PPP6R2: variants seen among roughly 807,000 people sequenced by gnomAD.
The protein encoded by PPP6R2 is serine/threonine-protein phosphatase 6 regulatory subunit 2.
In PPP6R2, 62 loss-of-function variants were observed where a neutral mutation model predicts 100.2. The ratio of observed to expected loss-of-function variants is 0.62; its 90% CI spans 0.50 to 0.76. PPP6R2 has a LOEUF of 0.76. PPP6R2 is among the 30% of genes least tolerant of loss of function. The pLI is 0.00. For missense variants in PPP6R2, 1,142 were observed against 1,276.3 expected, an observed-to-expected ratio of 0.89 and a Z score of 1.60; for synonymous variants, 525 against 514.7, an observed-to-expected ratio of 1.02 and a Z score of -0.27.
intron 4 of PPP6R2, among the ~76,000 whole-genome samples, chr22:50,408,567 C>T (rs1384893901): frequency 1.3e-5 from 2 of 151,988 alleles, no homozygotes; most frequent in Non-Finnish European, 2.9e-5. Flanking sequence ...GTGGAGGCAG[C>T]GGGGAGCTGT....
intron 10 of PPP6R2, among the ~76,000 whole-genome samples, chr22:50,425,415 G>C (rs1048684509): frequency 1.3e-5 from 2 of 152,218 alleles, no homozygotes; most frequent in African/African-American, 4.8e-5. Flanking sequence ...GACTTGGGTT[G>C]CTTCCAGCCT....
intron 1 of PPP6R2, among the ~76,000 whole-genome samples, chr22:50,369,025 G>A (rs2049379604): frequency 6.6e-6 from 1 of 152,154 alleles, no homozygotes; most frequent in South Asian, 2.1e-4. Flanking sequence ...GATCAGCTGA[G>A]GTTGGGAGTT....
intron 2 of PPP6R2, among the ~76,000 whole-genome samples, chr22:50,383,802 T>C (rs2053610202): frequency 6.6e-6 from 1 of 152,036 alleles, no homozygotes; most frequent in Non-Finnish European, 1.5e-5. Context: ...TTTGGGAGGC[T>C]GAGGTGGGCG....
chr22:50,416,210 G>C (rs1243921188), intron 6 of PPP6R2, 53 bp downstream of exon 6: 1 of 1,507,116 alleles, frequency 6.6e-7, no homozygotes, highest in South Asian at 1.1e-5. Context: ...TGTGCTGCCA[G>C]GTCACCCACT....
chr22:50,374,742 C>T (rs1027682080), intron 2 of PPP6R2, among the ~76,000 whole-genome samples: 7 of 151,826 alleles, frequency 4.6e-5, no homozygotes, highest in East Asian at 3.9e-4. Context: ...GGTGAAACCC[C>T]GTGTCTACTA....
intron 10 of PPP6R2, among the ~76,000 whole-genome samples, chr22:50,426,370 A>G (rs2062129854): frequency 6.6e-6 from 1 of 152,200 alleles, no homozygotes; most frequent in African/African-American, 2.4e-5. Flanking sequence ...GTCATTGCCA[A>G]ATCAGTATCA....
chr22:50,382,002 A>T (rs2148684031), intron 2 of PPP6R2, among the ~76,000 whole-genome samples: 1 of 152,340 alleles, frequency 6.6e-6, no homozygotes, highest in East Asian at 1.9e-4. Context: ...TTGTAAGGAA[A>T]AGCTGCAACA....
the PPP6R2 span, among the ~76,000 whole-genome samples, chr22:50,333,493 C>T: frequency 3.3e-5 from 5 of 152,224 alleles, no homozygotes; most frequent in South Asian, 4.1e-4. Flanking sequence ...CCTGCCACCA[C>T]GCCCGGCTAA....
intron 3 of PPP6R2, among the ~76,000 whole-genome samples, chr22:50,400,745 T>G (rs2057883247): frequency 6.6e-6 from 1 of 152,208 alleles, no homozygotes; most frequent in Non-Finnish European, 1.5e-5. Flanking sequence ...GTTGTATAAG[T>G]AAGCAAAGAT....
At chr22:50,362,922 A>T (rs2048070821) in intron 1 of PPP6R2, among the ~76,000 whole-genome samples, 1 of 152,204 alleles carries the variant, frequency 6.6e-6, no homozygotes, top group Non-Finnish European at 1.5e-5. Context: ...CCGCCTAAGC[A>T]TACGAAGACA....
At chr22:50,424,625 CTCT>C (rs1182636441) in intron 10 of PPP6R2, among the ~76,000 whole-genome samples, 23 of 132,248 alleles carry the variant, frequency 1.7e-4, no homozygotes, top group East Asian at 7.7e-4. Flanking sequence ...TTCCTTTTCC[CTCT>C]TCTTCTTTTT....
chr22:50,372,972 C>T (rs1257201508), intron 2 of PPP6R2, among the ~76,000 whole-genome samples: 4 of 152,070 alleles, frequency 2.6e-5, no homozygotes, highest in Non-Finnish European at 5.9e-5. Context: ...CAGGCGTGAG[C>T]CACCGCGCCC....
At chr22:50,390,733 G>A (rs968346105) in intron 2 of PPP6R2, among the ~76,000 whole-genome samples, 1 of 152,092 alleles carries the variant, frequency 6.6e-6, no homozygotes, top group African/African-American at 2.4e-5. Flanking sequence ...GGGCGCGGTC[G>A]TTCACACCTG....
chr22:50,361,812 G>A (rs186943552), intron 1 of PPP6R2, among the ~76,000 whole-genome samples: 19 of 152,178 alleles, frequency 1.2e-4, no homozygotes, highest in African/African-American at 4.3e-4. Context: ...GCGTAGGTGC[G>A]GACTAGGGCC....
chr22:50,349,911 A>C (rs2044643102), intron 1 of PPP6R2, among the ~76,000 whole-genome samples: 1 of 151,598 alleles, frequency 6.6e-6, no homozygotes, highest in African/African-American at 2.4e-5. Flanking sequence ...TGAGGTCAGG[A>C]GTTCGAGACC....
At chr22:50,424,326 A>AAGGTCCGTCC (rs1569471974) in intron 10 of PPP6R2, among the ~76,000 whole-genome samples, 3 of 143,512 alleles carry the variant, frequency 2.1e-5, no homozygotes, top group Non-Finnish European at 3.1e-5. Context: ...CAGTTCTGTC[A>AAGGTCCGTCC]GCGTGTGGAA....
At chr22:50,408,690 A>G (rs1053631154) in intron 4 of PPP6R2, among the ~76,000 whole-genome samples, 3 of 152,348 alleles carry the variant, frequency 2.0e-5, no homozygotes, top group Non-Finnish European at 2.9e-5. Flanking sequence ...ATAATTTGCC[A>G]TAACCTGATC....
chr22:50,340,600 G>GGTGAGTGGT (rs545562624), upstream of PPP6R2, among the ~76,000 whole-genome samples: 35,953 of 147,288 alleles, frequency 0.24, 4,705 homozygotes, highest in South Asian at 0.36. Flanking sequence ...GTGTGTGTGT[G>GGTGAGTGGT]GTGTGTGGTG....
At chr22:50,363,489 G>C (rs893542582) in intron 1 of PPP6R2, among the ~76,000 whole-genome samples, 1 of 152,200 alleles carries the variant, frequency 6.6e-6, no homozygotes, top group Non-Finnish European at 1.5e-5. Flanking sequence ...GCCTAGGCCT[G>C]AGTGCTTCCA....
Sources: gnomAD v4.1 joint callset for allele counts (sites outside exome capture counted in the v4.1 genomes callset) on GRCh38, gnomAD v4.1.1 for gene constraint, MANE v1.5 for transcripts, NCBI Gene and HGNC (gene_info 2026-07-23, HGNC 2026-07-21) for gene names.